MCTP2: variants seen among roughly 807,000 people sequenced by gnomAD.
MCTP2 encodes the protein multiple C2 and transmembrane domain-containing protein 2.
MCTP2 carries 132 observed loss-of-function variants against 111.6 expected under a neutral mutation model. That is an observed-to-expected ratio of 1.18 (90% CI 1.03 to 1.37). The LOEUF (loss-of-function observed/expected upper bound fraction) is 1.37, where lower values mean the gene tolerates loss of function less well. MCTP2 is among the 40% of genes most tolerant of loss of function. The probability of loss-of-function intolerance (pLI) is 0.00; values close to 1 mark genes in which losing one functional copy is unlikely to be tolerated. For synonymous variants in MCTP2, 395 were observed against 387.7 expected, an observed-to-expected ratio of 1.02 and a Z score of -0.22; for missense variants, 1,183 against 1,067.9, an observed-to-expected ratio of 1.11 and a Z score of -1.50.
At chr15:94,326,816 C>CCCCCG (rs1567431306) in intron 4 of MCTP2, among the ~76,000 whole-genome samples, 1 of 51,232 alleles carries the variant, frequency 2.0e-5, no homozygotes, top group African/African-American at 7.3e-5. Flanking sequence ...GATCCCCGCC[C>CCCCCG]CACCCCCCCC....
intron 10 of MCTP2, among the ~76,000 whole-genome samples, chr15:94,364,724 TA>T (rs908790908): frequency 2.5e-4 from 38 of 152,062 alleles, no homozygotes; most frequent in African/African-American, 8.7e-4. Flanking sequence ...CCTTTCTTGT[TA>T]AAAAAAATTC....
At chr15:94,298,121 ATG>A (rs2075359375) in intron 1 of MCTP2, 78 bp from the exon 2 acceptor site, 1 of 559,538 alleles carries the variant, frequency 1.8e-6, no homozygotes, top group Non-Finnish European at 3.0e-6. Context: ...TCTCACTTTG[ATG>A]TGCCTTACTG....
At chr15:94,362,510 C>T (rs1005974136) in intron 10 of MCTP2, among the ~76,000 whole-genome samples, 3 of 152,118 alleles carry the variant, frequency 2.0e-5, no homozygotes, top group Admixed American at 6.6e-5. Context: ...AGTTTATTAG[C>T]GGCTCTGAGG....
intron 19 of MCTP2, among the ~76,000 whole-genome samples, chr15:94,451,707 T>C (rs1269568885): frequency 3.3e-5 from 5 of 152,220 alleles, no homozygotes; most frequent in Non-Finnish European, 5.9e-5. Flanking sequence ...TATCACCACA[T>C]TCCCTGGTTC....
At chr15:94,285,044 T>C in intron 1 of MCTP2, among the ~76,000 whole-genome samples, 1 of 152,144 alleles carries the variant, frequency 6.6e-6, no homozygotes, top group East Asian at 1.9e-4. Context: ...ACTCAACCTT[T>C]CCTCCTACAG....
intron 1 of MCTP2, among the ~76,000 whole-genome samples, chr15:94,235,055 C>T (rs1179601026): frequency 3.9e-5 from 6 of 152,076 alleles, no homozygotes; most frequent in Admixed American, 6.6e-5. Context: ...AGTTCGAGAC[C>T]GGCCTGGCCA....
At chr15:94,476,552 C>T (rs548440342) in intron 21 of MCTP2, 144 bp from the exon 22 acceptor site, 10 of 535,406 alleles carry the variant, frequency 1.9e-5, no homozygotes, top group African/African-American at 3.9e-5. Flanking sequence ...CCCTCTCCCC[C>T]GAGTCAGGCG....
chr15:94,449,815 G>A (rs2084330832), intron 19 of MCTP2, among the ~76,000 whole-genome samples: 1 of 152,036 alleles, frequency 6.6e-6, no homozygotes, highest in South Asian at 2.1e-4. Context: ...AAAACTAAAG[G>A]ATTCACACAG....
intron 14 of MCTP2, among the ~76,000 whole-genome samples, chr15:94,394,786 A>T (rs1370535069): frequency 6.6e-6 from 1 of 152,174 alleles, no homozygotes; most frequent in Non-Finnish European, 1.5e-5. Flanking sequence ...AAAAAAAGTT[A>T]TATTAACATT....
At chr15:94,267,402 T>A (rs1054409364) in intron 1 of MCTP2, among the ~76,000 whole-genome samples, 4 of 152,208 alleles carry the variant, frequency 2.6e-5, no homozygotes, top group Non-Finnish European at 5.9e-5. Flanking sequence ...TACATTTCTT[T>A]TTGTTGGTGA....
chr15:94,354,289 T>G (rs1012639254), intron 8 of MCTP2, among the ~76,000 whole-genome samples: 8 of 152,152 alleles, frequency 5.3e-5, no homozygotes, highest in Non-Finnish European at 1.2e-4. Flanking sequence ...GATATTGATA[T>G]GGTTAGACTT....
At chr15:94,349,992 G>T (rs368344592) in intron 8 of MCTP2, among the ~76,000 whole-genome samples, 49 of 152,308 alleles carry the variant, frequency 3.2e-4, no homozygotes, top group African/African-American at 1.2e-3. Flanking sequence ...GCCGCAGCTG[G>T]TAATGGTTAG....
Position 94,483,476 on chromosome 15 carries a change from G to C in MCTP2, c.*4442G>C, listed in dbSNP as rs2074826531. The C allele has an allele frequency of 6.6e-6, 1 of 152,164 alleles. No individual in the cohort carries two copies. The highest frequency in any genetic ancestry group is 2.4e-5 in the African/African-American group (1 of 41,422). 9.4% of individuals were successfully genotyped at this position (152,164 alleles called of 1,614,324 possible). On this transcript the variant is annotated 3_prime_UTR_variant, in exon 23 of 23. Transcript: ENST00000357742. ...TCTAAATGCCCATCATTGATAGAAT[G>C]GATAAAGAAAATGTGGTAGAGGTAC...
intron 20 of MCTP2, among the ~76,000 whole-genome samples, chr15:94,468,012 G>C (rs2073545016): frequency 1.3e-5 from 2 of 152,190 alleles, no homozygotes; most frequent in African/African-American, 4.8e-5. Flanking sequence ...GCCAAATCTA[G>C]ACATTGACAA....
intron 1 of MCTP2, among the ~76,000 whole-genome samples, chr15:94,245,074 G>T (rs1031334195): frequency 1.3e-5 from 2 of 149,012 alleles, no homozygotes; most frequent in South Asian, 4.2e-4. Context: ...ACCTGTTTAC[G>T]TATATGTATA....
intron 17 of MCTP2, among the ~76,000 whole-genome samples, chr15:94,436,871 C>CA (rs200828805): frequency 0.057 from 8,467 of 148,442 alleles, 298 homozygotes; most frequent in East Asian, 0.16. Context: ...TTAATCCCCC[C>CA]AAAAAACGTA....
At chr15:94,291,324 C>T (rs1002152561) in intron 1 of MCTP2, among the ~76,000 whole-genome samples, 6 of 152,016 alleles carry the variant, frequency 3.9e-5, no homozygotes, top group Admixed American at 2.0e-4. Context: ...AAAGTGAGGC[C>T]GGGTGTGGTG....
chr15:94,350,444 C>G (rs1365460574), intron 8 of MCTP2, among the ~76,000 whole-genome samples: 1 of 152,156 alleles, frequency 6.6e-6, no homozygotes, highest in Non-Finnish European at 1.5e-5. Flanking sequence ...AAAAAATACT[C>G]CTGTAGTCCA....
At chr15:94,287,015 T>C (rs1453950210) in intron 1 of MCTP2, among the ~76,000 whole-genome samples, 1 of 152,182 alleles carries the variant, frequency 6.6e-6, no homozygotes, top group East Asian at 1.9e-4. Flanking sequence ...ACTTGAGTCA[T>C]GGTAGAAAAT....
Sources: gnomAD v4.1 joint callset for allele counts (sites outside exome capture counted in the v4.1 genomes callset) on GRCh38, gnomAD v4.1.1 for gene constraint, MANE v1.5 for transcripts, NCBI Gene and HGNC (gene_info 2026-07-23, HGNC 2026-07-21) for gene names.